The following TKT variants were observed in gnomAD, a reference collection of about 807,000 sequenced individuals.
TKT encodes transketolase, also known as epididymis luminal protein 107.
A neutral mutation model predicts 63.9 loss-of-function variants in TKT; 47 were observed. The observed-to-expected ratio is 0.74, with a 90% CI of 0.58 to 0.94. The LOEUF (loss-of-function observed/expected upper bound fraction) is 0.94, where lower values mean the gene tolerates loss of function less well. Among genes scored for constraint, TKT ranks in the 40% least tolerant of loss-of-function variants. The pLI, the probability that TKT is intolerant of heterozygous loss-of-function variation, is 0.00. For missense variants in TKT, 721 were observed against 846.2 expected (o/e 0.85, Z 1.84); for synonymous variants, 338 against 334.1 (o/e 1.01, Z -0.13).
At chr3:53,227,842 C>CT in intron 12 of TKT, 1 of 527,244 alleles carries the variant, frequency 1.9e-6, no homozygotes. Context: ...AGGGTAGGGA[C>CT]TGTGGGCACT....
At chr3:53,233,302 G>T (rs376346223) in intron 5 of TKT, 28 bp from the exon 6 acceptor site, 17 of 1,570,002 alleles carry the variant, frequency 1.1e-5, no homozygotes, top group Non-Finnish European at 1.5e-5. Context: ...AGAGTAAGGG[G>T]CAATTCCCAG....
chr3:53,243,518 A>G (rs1230912247), intron 1 of TKT: 1 of 454,792 alleles, frequency 2.2e-6, no homozygotes, highest in African/African-American at 2.0e-5. Flanking sequence ...TAGTAGAGAA[A>G]TCCAGAAAAC....
intron 1 of TKT, among the ~76,000 whole-genome samples, chr3:53,249,182 G>GC (rs1705644770): frequency 2.4e-3 from 1 of 418 alleles, no homozygotes; most frequent in Non-Finnish European, 5.5e-3. Context: ...TGTTGGCTGG[G>GC]CTGTCTCGAA....
At chr3:53,241,005 A>G (rs1490989841) in intron 3 of TKT, 127 bp downstream of exon 3, 4 of 770,538 alleles carry the variant, frequency 5.2e-6, no homozygotes, top group African/African-American at 3.7e-5. Flanking sequence ...TCCTTCCTCA[A>G]CTCAATGCCC....
intron 7 of TKT, 29 bp downstream of exon 7, chr3:53,231,328 G>A: frequency 6.2e-7 from 1 of 1,609,278 alleles, no homozygotes; most frequent in Non-Finnish European, 8.5e-7. Flanking sequence ...GAGAACTATG[G>A]GTTCAGAGAA....
At chr3:53,245,002 GTC>G (rs1304562251) in intron 1 of TKT, among the ~76,000 whole-genome samples, 1 of 151,900 alleles carries the variant, frequency 6.6e-6, no homozygotes. Context: ...CCCAAAGAAA[GTC>G]TCTTAAAGCC....
intron 6 of TKT, chr3:53,232,533 C>T (rs868981825): frequency 2.5e-6 from 1 of 398,742 alleles, no homozygotes; most frequent in Non-Finnish European, 4.4e-6. Context: ...TCCCTGACCA[C>T]TTGTAGTCTC....
At chr3:53,232,590 C>T (rs1553677410) in intron 6 of TKT, 3 of 398,556 alleles carry the variant, frequency 7.5e-6, no homozygotes, top group African/African-American at 6.2e-5. Flanking sequence ...GCCTAGGAAT[C>T]TGAAGCCCAC....
chr3:53,255,995 G>A lies in TKT; in HGVS notation c.-53C>T, dbSNP rs1430810792. The A allele has an allele frequency of 3.1e-6, 4 of 1,304,986 alleles. No individual in the cohort carries two copies. Among genetic ancestry groups the A allele is most frequent in the Non-Finnish European group, 4.1e-6 (4 of 982,802 alleles). 80.8% of individuals were successfully genotyped at this position (1,304,986 alleles called of 1,614,324 possible). A position where few individuals can be genotyped will look rare whatever the true frequency, so the allele number is the denominator to read the frequency against. On this transcript the variant is annotated 5_prime_UTR_variant, in exon 1 of 14. Transcript: ENST00000462138. ...ACGCGGACACACAGAGATAGCGGCTGCTCCCGCGGCGACAGGCGGCTGCCG... is the reference window on the plus strand; with the variant it reads ...ACGCGGACACACAGAGATAGCGGCTACTCCCGCGGCGACAGGCGGCTGCCG...
At chr3:53,245,576 C>T (rs546779996) in intron 1 of TKT, among the ~76,000 whole-genome samples, 6 of 152,048 alleles carry the variant, frequency 3.9e-5, no homozygotes, top group South Asian at 2.1e-4. Context: ...CTGAGGTCAG[C>T]GGCTCAAAGA....
At position 53,235,104 on chromosome 3, in the gene TKT, C is replaced by A. The variant is rs772874580; in HGVS notation, c.508G>T (p.Ala170Ser). 1 of 1,613,858 alleles carries A rather than the reference C, an allele frequency of 6.2e-7. No individual in the cohort carries two copies. Among genetic ancestry groups the A allele is most frequent in the South Asian group, 1.1e-5 (1 of 91,074 alleles). Residue 170 changes from alanine (A) to serine (S), a missense_variant, in exon 5 of 14, where the codon GCC becomes TCC. By Grantham distance (99) the Ala-to-Ser change is moderately conservative. Transcript: ENST00000462138. The part of the protein sequence containing the change: ...EGSVWEAMAF[A>S]SIYKLDNLVA... Reference sequence around the variant, plus strand: ...AGGTTGTCCAGCTTATAGATGCTGGCGAAGGCCATGGCCTCCCATACAGAG... The same window carrying A: ...AGGTTGTCCAGCTTATAGATGCTGGAGAAGGCCATGGCCTCCCATACAGAG...
intron 6 of TKT, chr3:53,232,673 C>A: frequency 2.5e-6 from 1 of 398,186 alleles, no homozygotes. Context: ...TCCAAACCCC[C>A]CAAGGCTCTT....
chr3:53,240,661 C>T (rs1200721916), intron 3 of TKT, among the ~76,000 whole-genome samples: 3 of 152,228 alleles, frequency 2.0e-5, no homozygotes, highest in African/African-American at 7.2e-5. Flanking sequence ...AAAAAATTGA[C>T]AGAACATTTG....
chr3:53,239,949 A>C (rs10212420), intron 4 of TKT, among the ~76,000 whole-genome samples: 35,593 of 152,072 alleles, frequency 0.23, 4,854 homozygotes, highest in African/African-American at 0.38. Context: ...TCCTCAGCCT[A>C]AGCACTCTGG....
At chr3:53,228,238 G>A in intron 11 of TKT, 38 bp downstream of exon 11, 1 of 1,613,808 alleles carries the variant, frequency 6.2e-7, no homozygotes, top group East Asian at 2.2e-5. Flanking sequence ...GAGGGTCCAG[G>A]CAGCTCTGTG....
chr3:53,254,477 G>A (rs1241026357), intron 1 of TKT, among the ~76,000 whole-genome samples: 1 of 152,244 alleles, frequency 6.6e-6, no homozygotes, highest in African/African-American at 2.4e-5. Context: ...GGCACAAAGG[G>A]TGAATGCGTA....
At chr3:53,244,823 A>C (rs550871716) in intron 1 of TKT, among the ~76,000 whole-genome samples, 21 of 150,136 alleles carry the variant, frequency 1.4e-4, no homozygotes, top group Non-Finnish European at 3.0e-4. Context: ...GAGGGGCTAC[A>C]GGGTACTTAC....
At chr3:53,243,379 C>T (rs547179792) in intron 1 of TKT, among the ~76,000 whole-genome samples, 2 of 152,062 alleles carry the variant, frequency 1.3e-5, no homozygotes, top group African/African-American at 2.4e-5. Flanking sequence ...GTCCTTCACA[C>T]GAAGACACGC....
intron 1 of TKT, 125 bp downstream of exon 1, chr3:53,255,711 G>T: frequency 1.8e-6 from 1 of 551,696 alleles, no homozygotes; most frequent in Non-Finnish European, 2.7e-6. Flanking sequence ...CCCTCCGACG[G>T]CGCCCGGGCC....
Sources: allele counts gnomAD v4.1 joint callset (sites outside exome capture counted in the v4.1 genomes callset), GRCh38; gene constraint gnomAD v4.1.1; transcripts MANE v1.5; gene names NCBI Gene and HGNC (gene_info 2026-07-23, HGNC 2026-07-21).